NCAM2: variants seen among roughly 807,000 people sequenced by gnomAD.
The protein encoded by NCAM2 is N-CAM-2.
NCAM2 carries 30 observed loss-of-function variants against 98.1 expected under a neutral mutation model. The ratio of observed to expected loss-of-function variants is 0.31; its 90% CI spans 0.23 to 0.41. The LOEUF is 0.41. Ranked by LOEUF, NCAM2 falls within the 10% of genes least tolerant of loss-of-function variation. The probability of loss-of-function intolerance (pLI) is 1.00; values close to 1 mark genes in which losing one functional copy is unlikely to be tolerated. For missense variants in NCAM2, 867 were observed against 1,005.8 expected (o/e 0.86, Z 1.87); for synonymous variants, 368 against 342.4 (o/e 1.07, Z -0.83).
intron 1 of NCAM2, among the ~76,000 whole-genome samples, chr21:21,164,889 T>G (rs1203379651): frequency 6.6e-6 from 1 of 152,166 alleles, no homozygotes; most frequent in Non-Finnish European, 1.5e-5. Context: ...CTATCAATTG[T>G]GTTAGTTTTA....
chr21:21,252,867 A>G (rs1477401461), intron 1 of NCAM2, among the ~76,000 whole-genome samples: 1 of 152,134 alleles, frequency 6.6e-6, no homozygotes, highest in East Asian at 1.9e-4. Context: ...CAGACAAGTC[A>G]AGCCTTACAT....
At chr21:21,095,320 C>T (rs1262273037) in intron 1 of NCAM2, among the ~76,000 whole-genome samples, 2 of 151,472 alleles carry the variant, frequency 1.3e-5, no homozygotes, top group Admixed American at 6.6e-5. Context: ...ATACCAGAGA[C>T]TGTTGATAAT....
intron 9 of NCAM2, among the ~76,000 whole-genome samples, chr21:21,409,014 G>C (rs891431593): frequency 7.5e-6 from 1 of 133,644 alleles, no homozygotes; most frequent in African/African-American, 2.6e-5. Flanking sequence ...AAAGTTAAAT[G>C]ACTTAAATTG....
At chr21:21,027,088 C>T (rs1293162933) in intron 1 of NCAM2, among the ~76,000 whole-genome samples, 3 of 152,068 alleles carry the variant, frequency 2.0e-5, no homozygotes, top group Non-Finnish European at 2.9e-5. Context: ...CAACTCCTGA[C>T]CTTAAATGAT....
chr21:21,156,800 C>T (rs773143385), intron 1 of NCAM2, among the ~76,000 whole-genome samples: 49 of 152,010 alleles, frequency 3.2e-4, no homozygotes, highest in Admixed American at 1.1e-3. Flanking sequence ...CATAAAGTTA[C>T]AATTACATGT....
At chr21:21,501,017 A>G (rs1374186501) in intron 15 of NCAM2, among the ~76,000 whole-genome samples, 1 of 151,962 alleles carries the variant, frequency 6.6e-6, no homozygotes, top group Non-Finnish European at 1.5e-5. Context: ...TTTGAACACT[A>G]TTTTGCTCAC....
chr21:21,111,278 T>A (rs2066449153), intron 1 of NCAM2, among the ~76,000 whole-genome samples: 1 of 152,192 alleles, frequency 6.6e-6, no homozygotes, highest in Non-Finnish European at 1.5e-5. Context: ...ACTTCTCTTT[T>A]AAAATGTAAG....
intron 13 of NCAM2, 51 bp from the exon 14 acceptor site, chr21:21,468,611 C>T (rs1423193326): frequency 1.3e-5 from 20 of 1,532,196 alleles, no homozygotes; most frequent in Non-Finnish European, 1.8e-5. Context: ...TATAGTTTAT[C>T]TAGGTATCTG....
intron 1 of NCAM2, among the ~76,000 whole-genome samples, chr21:21,091,492 G>A (rs994030147): frequency 5.9e-5 from 9 of 151,848 alleles, no homozygotes; most frequent in African/African-American, 1.7e-4. Context: ...ATGTTTTCAC[G>A]ATGCTGATAA....
chr21:21,535,500 T>C (rs1310198297), intron 17 of NCAM2, among the ~76,000 whole-genome samples: 1 of 152,122 alleles, frequency 6.6e-6, no homozygotes, highest in East Asian at 1.9e-4. Flanking sequence ...AAAAATGTTG[T>C]CACAGATGAA....
At chr21:21,327,532 A>G (rs1275901193) in intron 6 of NCAM2, among the ~76,000 whole-genome samples, 1 of 152,076 alleles carries the variant, frequency 6.6e-6, no homozygotes, top group Non-Finnish European at 1.5e-5. Flanking sequence ...AGTATAATTT[A>G]TAGAAACCGA....
At chr21:21,387,023 T>C (rs1324379604) in intron 9 of NCAM2, among the ~76,000 whole-genome samples, 1 of 152,144 alleles carries the variant, frequency 6.6e-6, no homozygotes, top group Non-Finnish European at 1.5e-5. Flanking sequence ...CAAGCTGCTG[T>C]ACTAAAATAG....
intron 10 of NCAM2, among the ~76,000 whole-genome samples, chr21:21,417,819 A>C (rs1219455556): frequency 6.6e-6 from 1 of 152,080 alleles, no homozygotes; most frequent in Non-Finnish European, 1.5e-5. Context: ...GATAGCGAGA[A>C]AAAGTGCCTG....
chr21:21,305,692 C>A (rs1319738012), intron 5 of NCAM2, among the ~76,000 whole-genome samples: 1 of 151,976 alleles, frequency 6.6e-6, no homozygotes. Context: ...CTCAAAGAAA[C>A]AGCTTTTGGT....
chr21:21,107,495 C>T (rs943033146), intron 1 of NCAM2, among the ~76,000 whole-genome samples: 1 of 152,092 alleles, frequency 6.6e-6, no homozygotes, highest in Non-Finnish European at 1.5e-5. Flanking sequence ...ATTCCACCCC[C>T]GTTTCCCAGC....
intron 15 of NCAM2, among the ~76,000 whole-genome samples, chr21:21,492,130 C>A (rs538559110): frequency 6.6e-6 from 1 of 151,638 alleles, no homozygotes; most frequent in Non-Finnish European, 1.5e-5. Context: ...TAACCAAACT[C>A]TATTATTTTA....
intron 16 of NCAM2, among the ~76,000 whole-genome samples, chr21:21,527,501 C>T (rs1207281851): frequency 1.3e-5 from 2 of 152,006 alleles, no homozygotes; most frequent in African/African-American, 4.8e-5. Flanking sequence ...AATTCTTAAA[C>T]TCTATATAAT....
chr21:21,228,132 A>G (rs183964535), intron 1 of NCAM2, among the ~76,000 whole-genome samples: 47 of 151,790 alleles, frequency 3.1e-4, no homozygotes, highest in African/African-American at 1.1e-3. Flanking sequence ...GAAAGTCAAC[A>G]GAGAATTTAT....
rs978694830 is a variant in NCAM2, at chr21:21,537,998, T to A, written c.*41T>A. The A allele has an allele frequency of 1.6e-6, 2 of 1,222,210 alleles. No homozygotes were observed. The highest frequency in any genetic ancestry group is 3.1e-5 in the African/African-American group (2 of 63,730). The allele number at this position is 1,222,210 out of a possible 1,614,324, so 75.7% of individuals were successfully genotyped here. ...GGCTTGAACAACACTACGAAGAGTA[T>A]TTGGATTGCGTGACCCTATGACCAA... On this transcript the variant is annotated 3_prime_UTR_variant, in exon 18 of 18. Transcript: ENST00000400546.
Sources: allele counts gnomAD v4.1 joint callset (sites outside exome capture counted in the v4.1 genomes callset), GRCh38; gene constraint gnomAD v4.1.1; transcripts MANE v1.5; gene names NCBI Gene and HGNC (gene_info 2026-07-23, HGNC 2026-07-21).